Variants in KCTD16 observed in about 807,000 individuals in gnomAD.
KCTD16 encodes the protein potassium channel tetramerization domain containing 16.
KCTD16 carries 13 observed loss-of-function variants against 33.2 expected under a neutral mutation model. The observed-to-expected ratio is 0.39, with a 90% CI of 0.25 to 0.62. The LOEUF (loss-of-function observed/expected upper bound fraction) is 0.62, where lower values mean the gene tolerates loss of function less well. Ranked by LOEUF, KCTD16 falls within the 20% of genes least tolerant of loss-of-function variation. The pLI, the probability that KCTD16 is intolerant of heterozygous loss-of-function variation, is 0.50. For missense variants in KCTD16, 441 were observed against 525.1 expected (o/e 0.84, Z 1.57); for synonymous variants, 197 against 195.3 (o/e 1.01, Z -0.07).
rs1754672583 is a variant in KCTD16, at chr5:144,479,953, C to G, written c.*5839C>G. On this transcript the variant is annotated 3_prime_UTR_variant, in exon 4 of 4. Transcript: ENST00000512467. Reference sequence around the variant, plus strand: ...GCCAACCAGAGGGTTTATTAAGTCTCTTGTCTCCAGCAACCTCCTCCATCT... The same window carrying G: ...GCCAACCAGAGGGTTTATTAAGTCTGTTGTCTCCAGCAACCTCCTCCATCT... The G allele has an allele frequency of 6.6e-6, 1 of 151,970 alleles. No homozygotes were observed. The highest frequency in any genetic ancestry group is 2.4e-5 in the African/African-American group (1 of 41,414). 9.4% of individuals were successfully genotyped at this position (151,970 alleles called of 1,614,324 possible). A position where few individuals can be genotyped will look rare whatever the true frequency, so the allele number is the denominator to read the frequency against.
intron 3 of KCTD16, among the ~76,000 whole-genome samples, chr5:144,217,897 A>G (rs1416777475): frequency 6.6e-6 from 1 of 151,886 alleles, no homozygotes; most frequent in Non-Finnish European, 1.5e-5. Flanking sequence ...ACACACCTTG[A>G]CATCCTTTTG....
intron 3 of KCTD16, among the ~76,000 whole-genome samples, chr5:144,367,876 A>T (rs1751874445): frequency 6.7e-6 from 1 of 150,004 alleles, no homozygotes; most frequent in Non-Finnish European, 1.5e-5. Flanking sequence ...CCTGATGTTT[A>T]GTTCCCAATT....
Position 144,207,140 on chromosome 5 carries a change from C to T in KCTD16, c.426C>T (p.Ala142=), listed in dbSNP as rs143360365. ...DEFCHSDFED[A]SQGSDTRICP... ...TCTGCCACAGTGACTTTGAAGATGC[C>T]TCCCAAGGAAGCGACACAAGAATCT... The change falls in exon 3 of 4, where the codon GCC becomes GCT. Residue 142 remains alanine, a synonymous_variant. Coordinates refer to ENST00000512467, the MANE Select transcript of KCTD16 (RefSeq NM_020768.4). 1.8e-5 allele frequency: 29 copies of T among 1,611,282 alleles called. No individual in the cohort carries two copies. The highest frequency in any genetic ancestry group is 2.5e-5 in the Non-Finnish European group (29 of 1,178,866).
In KCTD16 at chr5:144,299,096, GTATATATATATATA is replaced by G. The variant is rs1175664862; in HGVS notation, c.832+91590_832+91603del. 8.4e-3 allele frequency among the ~76,000 whole-genome samples: 90 copies of G among 10,748 alleles called. 1 individual carries two copies. The highest frequency in any genetic ancestry group is 0.018 in the East Asian group (4 of 228). 7.1% of individuals were successfully genotyped at this position (10,748 alleles called of 152,430 possible). A position where few individuals can be genotyped will look rare whatever the true frequency, so the allele number is the denominator to read the frequency against. On this transcript the variant is annotated intron_variant, in intron 3 of 3. Transcript: ENST00000512467. Reference sequence around the variant, plus strand: ...TATTTTTGTATATATATATCACTATGTATATATATATATATATATATATATATATATATATATAT... The same window carrying G: ...TATTTTTGTATATATATATCACTATGTATATATATATATATATATATATAT...
In KCTD16 at chr5:144,429,749, ACT is replaced by A. The variant is rs560173423; in HGVS notation, c.833-43907_833-43906del. Among the ~76,000 whole-genome samples, 107 of 152,102 alleles carry A rather than the reference ACT, an allele frequency of 7.0e-4. 2 individuals carry two copies. The highest frequency in any genetic ancestry group is 2.6e-3 in the African/African-American group (106 of 41,502). ...ATGAGTGAGGAGTGATATTGGGCAA[ACT>A]CTCCCTGAGCAACAACTGAACTAAA... On this transcript the variant is annotated intron_variant, in intron 3 of 3. Transcript: ENST00000512467.
At chr5:144,442,457 C>CTTTCTTTCTTTT (rs1753733812) in intron 3 of KCTD16, among the ~76,000 whole-genome samples, 1 of 149,666 alleles carries the variant, frequency 6.7e-6, no homozygotes, top group Non-Finnish European at 1.5e-5. Flanking sequence ...TTTCTTCTTT[C>CTTTCTTTCTTTT]TTTCTTTCTT....
At chr5:144,348,090 G>A (rs1310142291) in intron 3 of KCTD16, among the ~76,000 whole-genome samples, 3 of 152,084 alleles carry the variant, frequency 2.0e-5, no homozygotes, top group Non-Finnish European at 2.9e-5. Flanking sequence ...TGACTCTTTT[G>A]TTTAACCACA....
chr5:144,347,312 C>A (rs983206586), intron 3 of KCTD16, among the ~76,000 whole-genome samples: 2 of 152,084 alleles, frequency 1.3e-5, no homozygotes, highest in African/African-American at 4.8e-5. Context: ...AATGCAAAAC[C>A]GGCTGGGCAC....
chr5:144,476,854 GT>G lies in KCTD16; in HGVS notation c.*2745del. On this transcript the variant is annotated 3_prime_UTR_variant, in exon 4 of 4. Coordinates refer to ENST00000512467, the MANE Select transcript of KCTD16 (RefSeq NM_020768.4). The stretch of plus-strand genomic sequence containing the variant: ...GGCATGTTTCCCTGAAGTTAAAATA[GT>G]TTTTAGAACTTTTTGTTTAATTCTG... 6.6e-6 allele frequency: 1 copy of G among 152,194 alleles called. No individual in the cohort carries two copies. Among genetic ancestry groups the G allele is most frequent in the South Asian group, 2.1e-4 (1 of 4,826 alleles). 9.4% of individuals were successfully genotyped at this position (152,194 alleles called of 1,614,324 possible). A position where few individuals can be genotyped will look rare whatever the true frequency, so the allele number is the denominator to read the frequency against.
At chr5:144,378,074 A>T (rs183435806) in intron 3 of KCTD16, among the ~76,000 whole-genome samples, 145 of 152,300 alleles carry the variant, frequency 9.5e-4, no homozygotes, top group African/African-American at 3.3e-3. Flanking sequence ...CTTAGCAGAT[A>T]TTCAGATTTC....
chr5:144,252,083 A>T (rs1285472456), intron 3 of KCTD16, among the ~76,000 whole-genome samples: 1 of 152,174 alleles, frequency 6.6e-6, no homozygotes, highest in East Asian at 1.9e-4. Context: ...ATTGCTTCAC[A>T]TAGTTATTAT....
chr5:144,188,555 G>A (rs192754572), intron 2 of KCTD16, among the ~76,000 whole-genome samples: 136 of 152,310 alleles, frequency 8.9e-4, no homozygotes, highest in African/African-American at 3.1e-3. Context: ...TCATTGAGCA[G>A]CATCAGTAAA....
intron 3 of KCTD16, among the ~76,000 whole-genome samples, chr5:144,325,966 T>C (rs961495438): frequency 4.6e-5 from 7 of 152,162 alleles, no homozygotes; most frequent in African/African-American, 1.4e-4. Context: ...TGTATTCCAT[T>C]TCATTTTTAT....
Position 144,171,613 on chromosome 5 carries a change from A to C in KCTD16, c.-493+604A>C, listed in dbSNP as rs530524054. On this transcript the variant is annotated intron_variant, in intron 1 of 3. Coordinates refer to ENST00000512467, the MANE Select transcript of KCTD16 (RefSeq NM_020768.4). ...CACCACCAAGTTGTGACAGCTAAAA[A>C]TCTCTCCAGACATTGCCAAATCCAA... 5.9e-5 allele frequency among the ~76,000 whole-genome samples: 9 copies of C among 152,230 alleles called. No homozygotes were observed. In the South Asian group the frequency reaches 1.9e-3, roughly 32 times the overall value.
chr5:144,208,620 A>G (rs1324319231), intron 3 of KCTD16, among the ~76,000 whole-genome samples: 1 of 152,216 alleles, frequency 6.6e-6, no homozygotes, highest in African/African-American at 2.4e-5. Flanking sequence ...TAAAATATCT[A>G]AATTTCTTTA....
At chr5:144,396,526 T>C (rs767372837) in intron 3 of KCTD16, among the ~76,000 whole-genome samples, 15 of 152,184 alleles carry the variant, frequency 9.9e-5, no homozygotes, top group Non-Finnish European at 1.9e-4. Flanking sequence ...AAACTATTGG[T>C]GGACTAAATT....
At chr5:144,466,426 A>C (rs1029770964) in intron 3 of KCTD16, among the ~76,000 whole-genome samples, 10 of 152,144 alleles carry the variant, frequency 6.6e-5, no homozygotes, top group African/African-American at 1.7e-4. Flanking sequence ...GGCAGAGGGA[A>C]AGGAGGTTAA....
intron 3 of KCTD16, among the ~76,000 whole-genome samples, chr5:144,281,594 G>A (rs1285513944): frequency 2.0e-5 from 3 of 152,102 alleles, no homozygotes; most frequent in East Asian, 3.9e-4. Context: ...TTTGAAGTTT[G>A]TTTTTCTGAC....
intron 3 of KCTD16, among the ~76,000 whole-genome samples, chr5:144,221,920 C>T (rs1249428291): frequency 3.3e-5 from 5 of 152,226 alleles, no homozygotes; most frequent in African/African-American, 1.2e-4. Flanking sequence ...ACATCCTCCC[C>T]AGCACCTGTT....
Sources: allele counts gnomAD v4.1 joint callset (sites outside exome capture counted in the v4.1 genomes callset), GRCh38; gene constraint gnomAD v4.1.1; transcripts MANE v1.5; gene names NCBI Gene and HGNC (gene_info 2026-07-23, HGNC 2026-07-21).